The following CPN1 variants were observed in gnomAD, a reference collection of about 807,000 sequenced individuals.
The protein encoded by CPN1 is carboxypeptidase N catalytic chain.
Under a neutral mutation model 46.4 loss-of-function variants are expected in CPN1, and 37 were observed. That is an observed-to-expected ratio of 0.80 (90% CI 0.61 to 1.05). The LOEUF is 1.05. CPN1 is among the 50% of genes least tolerant of loss of function. The pLI, the probability that CPN1 is intolerant of heterozygous loss-of-function variation, is 0.00. For missense variants in CPN1, 563 were observed against 602.6 expected (o/e 0.93, Z 0.69); for synonymous variants, 224 against 235.4 (o/e 0.95, Z 0.44).
At chr10:100,069,181 C>T (rs1486839177) in intron 3 of CPN1, among the ~76,000 whole-genome samples, 1 of 152,176 alleles carries the variant, frequency 6.6e-6, no homozygotes, top group Non-Finnish European at 1.5e-5. Flanking sequence ...TCACCACAAT[C>T]ACCACTAATA....
intron 7 of CPN1, among the ~76,000 whole-genome samples, chr10:100,052,484 T>G (rs571465375): frequency 1.6e-4 from 25 of 152,182 alleles, no homozygotes; most frequent in Non-Finnish European, 2.6e-4. Flanking sequence ...CCCAAACTGT[T>G]GAGATTACAA....
chr10:100,044,235 A>T lies in CPN1; in HGVS notation c.1231-1662T>A, dbSNP rs188082978. Among the ~76,000 whole-genome samples, 137 of 152,342 alleles carry T rather than the reference A, an allele frequency of 9.0e-4. 1 individual carries two copies. The highest frequency in any genetic ancestry group is 3.3e-3 in the South Asian group (16 of 4,822). ...TTTACCAATTCCTATTTAGTAACAT[A>T]GGAATCTAGACAGAAAAAAATGAGA... On this transcript the variant is annotated intron_variant, in intron 8 of 8. Coordinates refer to ENST00000370418, the MANE Select transcript of CPN1 (RefSeq NM_001308.3).
intron 8 of CPN1, among the ~76,000 whole-genome samples, chr10:100,046,361 C>T (rs531424711): frequency 6.6e-6 from 1 of 152,342 alleles, no homozygotes; most frequent in African/African-American, 2.4e-5. Context: ...AATCCCAGTG[C>T]TTTGGAAGGC....
At chr10:100,061,024 C>A (rs2041413949) in intron 5 of CPN1, among the ~76,000 whole-genome samples, 1 of 140,702 alleles carries the variant, frequency 7.1e-6, no homozygotes, top group Non-Finnish European at 1.5e-5. Flanking sequence ...TTTGTGGGAG[C>A]TAAAAATTTA....
intron 6 of CPN1, among the ~76,000 whole-genome samples, chr10:100,055,933 A>G (rs1274331039): frequency 6.6e-6 from 1 of 152,220 alleles, no homozygotes; most frequent in African/African-American, 2.4e-5. Context: ...CTTTTTGGCT[A>G]TTGTAAATAA....
chr10:100,054,201 T>C (rs2041371986), intron 7 of CPN1, 146 bp downstream of exon 7: 6 of 695,586 alleles, frequency 8.6e-6, no homozygotes, highest in South Asian at 3.0e-5. Flanking sequence ...TCCATTTTCA[T>C]TGCCCTTCTT....
Position 100,043,812 on chromosome 10 carries a change from AT to A in CPN1, c.1231-1240del, listed in dbSNP as rs557416885. ...GCACATGCCACCACATCCTGCTTGG[AT>A]TCTTAAACTGGAAATTTCCATGTGT... is the stretch of plus-strand genomic sequence containing the variant. On this transcript the variant is annotated intron_variant, in intron 8 of 8. Transcript: ENST00000370418. 7.2e-5 allele frequency among the ~76,000 whole-genome samples: 11 copies of A among 151,962 alleles called. No individual in the cohort carries two copies. The East Asian group carries it at 2.1e-3, about 29-fold the overall frequency.
chr10:100,080,529 A>AT (rs913085497), intron 1 of CPN1, among the ~76,000 whole-genome samples: 8 of 152,008 alleles, frequency 5.3e-5, no homozygotes, highest in Non-Finnish European at 8.8e-5. Context: ...GAGTTTTATT[A>AT]TTTTTTTTCC....
chr10:100,073,185 TC>T (rs1164194860), intron 2 of CPN1, among the ~76,000 whole-genome samples: 2 of 152,226 alleles, frequency 1.3e-5, no homozygotes, highest in African/African-American at 4.8e-5. Context: ...CCTTTAAGTT[TC>T]CTACATCAGT....
intron 5 of CPN1, among the ~76,000 whole-genome samples, chr10:100,061,506 G>GT (rs2041417901): frequency 6.6e-6 from 1 of 152,172 alleles, no homozygotes; most frequent in African/African-American, 2.4e-5. Context: ...GGTACGAGGT[G>GT]GGGTACCACT....
intron 8 of CPN1, among the ~76,000 whole-genome samples, chr10:100,043,964 G>A (rs74152936): frequency 0.032 from 4,811 of 152,210 alleles, 155 homozygotes; most frequent in African/African-American, 0.089. Context: ...AACTATCCCA[G>A]GCTGAAGAGG....
intron 3 of CPN1, among the ~76,000 whole-genome samples, chr10:100,067,548 C>T (rs2041461323): frequency 1.3e-5 from 2 of 152,234 alleles, no homozygotes; most frequent in South Asian, 2.1e-4. Context: ...ATTTGGGAAA[C>T]TCCCAATTAA....
chr10:100,047,672 T>A (rs78728878), intron 8 of CPN1, among the ~76,000 whole-genome samples: 8,271 of 152,154 alleles, frequency 0.054, 722 homozygotes, highest in African/African-American at 0.18. Context: ...AATAAATTGG[T>A]ATGCTCACAC....
intron 3 of CPN1, 47 bp from the exon 4 acceptor site, chr10:100,065,417 C>T: frequency 6.2e-7 from 1 of 1,607,648 alleles, no homozygotes; most frequent in Non-Finnish European, 8.5e-7. Flanking sequence ...CTGGGGCTAC[C>T]AAACAAACGG....
At chr10:100,055,699 T>C (rs1216621016) in intron 6 of CPN1, among the ~76,000 whole-genome samples, 1 of 152,210 alleles carries the variant, frequency 6.6e-6, no homozygotes, top group East Asian at 1.9e-4. Context: ...TAATTTTGTA[T>C]TTTTAGTAAA....
At chr10:100,075,766 G>T in intron 2 of CPN1, 145 bp downstream of exon 2, 1 of 902,282 alleles carries the variant, frequency 1.1e-6, no homozygotes. Context: ...TTATATTTCT[G>T]ATGGATTTTT....
chr10:100,071,942 A>G (rs2041488215), intron 2 of CPN1, among the ~76,000 whole-genome samples: 1 of 152,186 alleles, frequency 6.6e-6, no homozygotes, highest in Non-Finnish European at 1.5e-5. Context: ...GTATTTCCAA[A>G]TAAGATCATA....
chr10:100,059,966 T>C (rs558551948), intron 5 of CPN1, among the ~76,000 whole-genome samples: 8 of 152,306 alleles, frequency 5.3e-5, no homozygotes, highest in Admixed American at 3.9e-4. Context: ...GAGGACATTA[T>C]GGTAAGTGAA....
At chr10:100,044,552 G>A (rs991525820) in intron 8 of CPN1, among the ~76,000 whole-genome samples, 1 of 151,676 alleles carries the variant, frequency 6.6e-6, no homozygotes, top group Non-Finnish European at 1.5e-5. Flanking sequence ...TTTTTGAACT[G>A]TTTTGTAGAG....
Sources: gnomAD v4.1 joint callset for allele counts (sites outside exome capture counted in the v4.1 genomes callset) on GRCh38, gnomAD v4.1.1 for gene constraint, MANE v1.5 for transcripts, NCBI Gene and HGNC (gene_info 2026-07-23, HGNC 2026-07-21) for gene names.